Variants in SMARCA2 observed in about 807,000 individuals in gnomAD.
The protein encoded by SMARCA2 is SWI/SNF-related matrix-associated actin-dependent regulator of chromatin subfamily A member 2.
SMARCA2 carries 61 observed loss-of-function variants against 199.8 expected under a neutral mutation model. That is an observed-to-expected ratio of 0.31 (90% CI 0.25 to 0.38). The LOEUF (loss-of-function observed/expected upper bound fraction) is 0.38, where lower values mean the gene tolerates loss of function less well. Among genes scored for constraint, SMARCA2 ranks in the 10% least tolerant of loss-of-function variants. The pLI is 1.00. For missense variants in SMARCA2, 1,344 were observed against 2,012.2 expected, an observed-to-expected ratio of 0.67 and a Z score of 6.35; for synonymous variants, 935 against 732.0, an observed-to-expected ratio of 1.28 and a Z score of -4.48.
chr9:2,086,900 C>T lies in SMARCA2; in HGVS notation c.2598C>T (p.Val866=), dbSNP rs1441462775. 1.2e-6 allele frequency: 2 copies of T among 1,614,174 alleles called. No individual in the cohort carries two copies. Among genetic ancestry groups the T allele is most frequent in the Admixed American group, 3.3e-5 (2 of 60,020 alleles). Residue 866 remains valine (V), a synonymous_variant, in exon 18 of 34, where the codon GTC becomes GTT. Transcript: ENST00000349721. This position sits in a 1 kb window ranked among gnomAD's most constrained non-coding sequence, Gnocchi z 4.3. ...ATCACCACTGCAAGCTGACTCAGGT[C>T]TTGAACACTCACTATGTGGCCCCCA... ...MKNHHCKLTQ[V]LNTHYVAPRR...
intron 19 of SMARCA2, among the ~76,000 whole-genome samples, chr9:2,091,064 G>C (rs1309413570): frequency 6.6e-6 from 1 of 152,126 alleles, no homozygotes; most frequent in Admixed American, 6.5e-5. Flanking sequence ...TATGAAAAAA[G>C]AGCCATATAG....
chr9:2,177,697 CAT>C, intron 29 of SMARCA2, among the ~76,000 whole-genome samples: 1 of 151,886 alleles, frequency 6.6e-6, no homozygotes, highest in Admixed American at 6.5e-5. Context: ...GGATTACAGG[CAT>C]GCGCCACCAC....
Position 2,087,077 on chromosome 9 carries a change from G to C in SMARCA2, c.2769+6G>C. ...TTGCCATGACTGGTGAAAGGGTACT[G>C]GTCTGAGTTCTGTTTTTTCCACTGC... On this transcript the variant is annotated splice_donor_region_variant and intron_variant, in intron 18 of 33. Transcript: ENST00000349721. The C allele has an allele frequency of 6.2e-7, 1 of 1,613,916 alleles. No individual in the cohort carries two copies. Among genetic ancestry groups the C allele is most frequent in the South Asian group, 1.1e-5 (1 of 91,066 alleles).
chr9:2,087,100 T>A (rs766899769), intron 18 of SMARCA2, 29 bp downstream of exon 18: 10 of 1,612,572 alleles, frequency 6.2e-6, no homozygotes, highest in Non-Finnish European at 8.5e-6. Flanking sequence ...TTTTTTCCAC[T>A]GCATGATAAT....
intron 31 of SMARCA2, among the ~76,000 whole-genome samples, chr9:2,185,408 C>G (rs1398307872): frequency 6.6e-6 from 1 of 152,204 alleles, no homozygotes; most frequent in Non-Finnish European, 1.5e-5. Context: ...CTTATCCACT[C>G]ATTTGTCGAT....
intron 3 of SMARCA2, among the ~76,000 whole-genome samples, chr9:2,035,839 A>G (rs1049241497): frequency 6.6e-6 from 1 of 152,236 alleles, no homozygotes; most frequent in African/African-American, 2.4e-5. Context: ...TTAAGGGTAT[A>G]TTTTTGAATA....
At chr9:2,100,139 A>G (rs145887503) in intron 21 of SMARCA2, among the ~76,000 whole-genome samples, 27 of 152,306 alleles carry the variant, frequency 1.8e-4, no homozygotes, top group African/African-American at 5.1e-4. Flanking sequence ...CCGGTGGCTG[A>G]TGTGAAGGTG....
At chr9:2,083,547 G>C (rs897650226) in intron 16 of SMARCA2, 134 bp downstream of exon 16, 2 of 543,166 alleles carry the variant, frequency 3.7e-6, no homozygotes, top group African/African-American at 3.9e-5. Flanking sequence ...TAAACCGTGA[G>C]AGTTAATCAT....
intron 27 of SMARCA2, among the ~76,000 whole-genome samples, chr9:2,147,586 C>T (rs1302502463): frequency 6.6e-6 from 1 of 152,172 alleles, no homozygotes; most frequent in Admixed American, 6.5e-5. Context: ...TGGCTCACGC[C>T]TGTAATCCTA....
At chr9:2,180,161 C>G (rs547714212) in intron 29 of SMARCA2, among the ~76,000 whole-genome samples, 1 of 152,264 alleles carries the variant, frequency 6.6e-6, no homozygotes, top group South Asian at 2.1e-4. Flanking sequence ...AATCCAATTC[C>G]TGAGTAAAAT....
intron 27 of SMARCA2, among the ~76,000 whole-genome samples, chr9:2,143,554 C>G (rs1297847727): frequency 1.3e-5 from 2 of 152,054 alleles, no homozygotes; most frequent in Admixed American, 6.6e-5. Flanking sequence ...GAGAGGAGAC[C>G]CGTCTGACAG....
intron 27 of SMARCA2, among the ~76,000 whole-genome samples, chr9:2,156,106 T>C (rs1825346740): frequency 6.6e-6 from 1 of 152,248 alleles, no homozygotes; most frequent in African/African-American, 2.4e-5. Flanking sequence ...ACAGTTATTT[T>C]CTTACATCAT....
At chr9:2,052,772 G>A (rs1323878669) in intron 5 of SMARCA2, among the ~76,000 whole-genome samples, 1 of 152,164 alleles carries the variant, frequency 6.6e-6, no homozygotes, top group African/African-American at 2.4e-5. Flanking sequence ...ATCTTCTACA[G>A]CATTTAGGTC....
intron 1 of SMARCA2, chr9:2,022,040 T>A (rs151131549): frequency 6.7e-6 from 1 of 149,722 alleles, no homozygotes; most frequent in Non-Finnish European, 1.5e-5. Context: ...TTTGACCGGT[T>A]GCCTGGAGCA....
intron 32 of SMARCA2, 81 bp from the exon 33 acceptor site, chr9:2,191,185 G>C: frequency 7.5e-7 from 1 of 1,326,844 alleles, no homozygotes; most frequent in Non-Finnish European, 1.1e-6. Context: ...GTTGTCTGTA[G>C]GTTGGTGATA....
At chr9:2,040,378 G>A (rs1009529958) in intron 4 of SMARCA2, 47 of 181,636 alleles carry the variant, frequency 2.6e-4, no homozygotes, top group African/African-American at 1.1e-3. Flanking sequence ...AAATAATTAT[G>A]AGTAGCAAAA....
chr9:2,124,073 G>GATAAAGTCATTCTGCTGTTGC, intron 27 of SMARCA2, 136 bp downstream of exon 27: 1 of 720,074 alleles, frequency 1.4e-6, no homozygotes, highest in Non-Finnish European at 2.5e-6. Flanking sequence ...GAACACAGAA[G>GATAAAGTCATTCTGCTGTTGC]ATAAAGTCAT....
chr9:2,101,756 C>T (rs1003371697), intron 22 of SMARCA2, 140 bp downstream of exon 22: 13 of 478,694 alleles, frequency 2.7e-5, no homozygotes, highest in African/African-American at 4.0e-5. Flanking sequence ...TTAACCAAAA[C>T]GGTATCAGCA....
intron 21 of SMARCA2, among the ~76,000 whole-genome samples, chr9:2,099,362 T>C (rs1252779097): frequency 6.6e-6 from 1 of 152,162 alleles, no homozygotes; most frequent in African/African-American, 2.4e-5. Context: ...TGGGGGCCTT[T>C]GGGGACTTAG....
Sources: allele counts gnomAD v4.1 joint callset (sites outside exome capture counted in the v4.1 genomes callset), GRCh38; gene constraint gnomAD v4.1.1; non-coding constraint Gnocchi (gnomAD v3.1); transcripts MANE v1.5; gene names NCBI Gene and HGNC (gene_info 2026-07-23, HGNC 2026-07-21).